NHS: variants seen among roughly 807,000 people sequenced by gnomAD.
The protein encoded by NHS is NHS actin remodeling regulator.
A neutral mutation model predicts 72.5 loss-of-function variants in NHS; 5 were observed. That is an observed-to-expected ratio of 0.07 (90% CI 0.04 to 0.14). The LOEUF (loss-of-function observed/expected upper bound fraction) is 0.14. Ranked by LOEUF, NHS falls within the 10% of genes least tolerant of loss-of-function variation. NHS has a pLI of 1.00. For missense variants in NHS, 1,072 were observed against 1,355.7 expected (o/e 0.79, Z 3.29); for synonymous variants, 464 against 547.7 (o/e 0.85, Z 2.13).
intron 1 of NHS, among the ~76,000 whole-genome samples, chrX:17,430,308 TTTCTTTCC>T (rs2064686520): frequency 1.2e-5 from 1 of 83,552 alleles, no homozygotes; most frequent in African/African-American, 4.7e-5. Context: ...TCTTTCTTTC[TTTCTTTCC>T]TTTCTTTCTT....
At chrX:17,414,004 A>T (rs1262795260) in intron 1 of NHS, among the ~76,000 whole-genome samples, 1 of 110,790 alleles carries the variant, frequency 9.0e-6, no homozygotes, top group Admixed American at 9.6e-5. Flanking sequence ...CCTGTTTTTT[A>T]TTTTTTTTCA....
At chrX:17,626,681 G>C (rs1053948464) in intron 1 of NHS, among the ~76,000 whole-genome samples, 2 of 111,747 alleles carry the variant, frequency 1.8e-5, no homozygotes, top group Admixed American at 9.5e-5. Flanking sequence ...TTCATTCAAT[G>C]GTATGCTATC....
intron 1 of NHS, among the ~76,000 whole-genome samples, chrX:17,424,570 A>G (rs2064640864): frequency 1.8e-5 from 2 of 112,141 alleles, no homozygotes; most frequent in South Asian, 7.5e-4. Context: ...TAATCTTGCA[A>G]TCTTCACAGG....
At chrX:17,481,303 A>T (rs758135807) in intron 1 of NHS, among the ~76,000 whole-genome samples, 8 of 111,952 alleles carry the variant, frequency 7.1e-5, no homozygotes, top group Non-Finnish European at 1.5e-4. Context: ...ACATTTGAGG[A>T]GGGAAAGATA....
At position 17,726,092 on chromosome X, in the gene NHS, C is replaced by A; in HGVS notation, c.1986C>A (p.His662Gln). The change falls in exon 7 of 9, where the codon CAC becomes CAA. Residue 662 changes from histidine to glutamine, a missense_variant. Coordinates refer to ENST00000676302, the MANE Select transcript of NHS (RefSeq NM_001291867.2). ...AASPPLTGSS[H>Q]CDSELSLNTA... ...CTCCTCCACTCACTGGCTCTTCACA[C>A]TGTGACTCGGAGTTGTCACTAAACA... is the stretch of plus-strand genomic sequence containing the variant. 8.3e-7 allele frequency: 1 copy of A among 1,212,110 alleles called. No individual in the cohort carries two copies. The highest frequency in any genetic ancestry group is 1.1e-6 in the Non-Finnish European group (1 of 895,605).
At chrX:17,419,124 C>T (rs1323585314) in intron 1 of NHS, among the ~76,000 whole-genome samples, 1 of 112,570 alleles carries the variant, frequency 8.9e-6, no homozygotes, top group East Asian at 2.8e-4. Context: ...AATCAGCAAG[C>T]TTTGCTATAG....
chrX:17,733,835 T>G lies in NHS; in HGVS notation c.*1371T>G, dbSNP rs1040208012. ...TCTGCTTGATGGCAAAAGGGGAGGG[T>G]GGAGGGTGGGAGAGGAAATGTCAGG... is the stretch of plus-strand genomic sequence containing the variant. On this transcript the variant is annotated 3_prime_UTR_variant, in exon 9 of 9. Transcript: ENST00000676302. The G allele has an allele frequency of 9.1e-6, 1 of 109,449 alleles. No homozygotes were observed. The highest frequency in any genetic ancestry group is 1.9e-5 in the Non-Finnish European group (1 of 52,521). 9.0% of individuals were successfully genotyped at this position (109,449 alleles called of 1,213,427 possible).
chrX:17,400,161 A>G (rs1459397248), intron 1 of NHS, among the ~76,000 whole-genome samples: 1 of 112,278 alleles, frequency 8.9e-6, no homozygotes, highest in Non-Finnish European at 1.9e-5. Flanking sequence ...GTATGTAGAA[A>G]ATTCTAAGGA....
chrX:17,724,387 G>A lies in NHS; in HGVS notation c.1197G>A (p.Arg399=). Residue 399 remains arginine (R), a synonymous_variant, in exon 6 of 9, where the codon AGG becomes AGA. Coordinates refer to ENST00000676302, the MANE Select transcript of NHS (RefSeq NM_001291867.2). ...VLQRRRKLRR[R]KTISGIPRRV... ...AGCGGAGACGAAAATTGAGGAGGAGGAAAACCATCTCGGGTATCCCCAGAA... is the reference window on the plus strand; with the variant it reads ...AGCGGAGACGAAAATTGAGGAGGAGAAAAACCATCTCGGGTATCCCCAGAA... The A allele has an allele frequency of 8.3e-7, 1 of 1,211,823 alleles. No homozygotes were observed.
intron 1 of NHS, among the ~76,000 whole-genome samples, chrX:17,478,298 A>G (rs1224409885): frequency 8.9e-6 from 1 of 111,891 alleles, no homozygotes; most frequent in Non-Finnish European, 1.9e-5. Context: ...GTTCACATCA[A>G]GTAGTGACCA....
chrX:17,687,849 G>A lies in NHS; in HGVS notation c.673G>A (p.Glu225Lys), dbSNP rs766403255. Reference sequence around the variant, plus strand: ...AGCCACAAGGCCACCCTGCGTGGAGGAGCTGCACCGCCACGCCCGGCAGAG... The same window carrying A: ...AGCCACAAGGCCACCCTGCGTGGAGAAGCTGCACCGCCACGCCCGGCAGAG... ...LPATRPPCVE[E>K]LHRHARQSLQ... The change falls in exon 2 of 9, where the codon GAG becomes AAG. Residue 225 changes from glutamate to lysine, a missense_variant. Physicochemically the swap from Glu to Lys is moderately conservative, Grantham distance 56 (BLOSUM62 1). Transcript: ENST00000676302. 21 of 1,210,467 alleles carry A rather than the reference G, an allele frequency of 1.7e-5. No individual in the cohort carries two copies. Among genetic ancestry groups the A allele is most frequent in the Non-Finnish European group, 1.7e-5 (15 of 895,374 alleles).
intron 8 of NHS, among the ~76,000 whole-genome samples, chrX:17,731,034 C>A (rs746676671): frequency 9.0e-6 from 1 of 110,774 alleles, no homozygotes; most frequent in South Asian, 3.8e-4. Flanking sequence ...GGATTATCAA[C>A]TGTCAAACTA....
chrX:17,635,486 G>C (rs956800442), intron 1 of NHS: 1 of 1,165,981 alleles, frequency 8.6e-7, no homozygotes, highest in African/African-American at 1.8e-5. Flanking sequence ...AAGCAGATCA[G>C]CTTTCAGCTC....
intron 8 of NHS, 128 bp downstream of exon 8, chrX:17,728,903 G>T: frequency 1.1e-6 from 1 of 890,226 alleles, no homozygotes; most frequent in Non-Finnish European, 1.6e-6. Flanking sequence ...AAAAACAAAA[G>T]CAAGCAAAGA....
chrX:17,650,551 C>T (rs12858453), intron 1 of NHS, among the ~76,000 whole-genome samples: 10 of 112,345 alleles, frequency 8.9e-5, no homozygotes, highest in East Asian at 5.6e-4. Context: ...TCCAGCCCCA[C>T]GAGTTCCTCT....
chrX:17,598,212 C>G (rs1377617261), intron 1 of NHS, among the ~76,000 whole-genome samples: 1 of 111,488 alleles, frequency 9.0e-6, no homozygotes, highest in African/African-American at 3.3e-5. Flanking sequence ...TGTGGCAGTT[C>G]CTGGCAGTCC....
chrX:17,462,716 A>G (rs1339715170), intron 1 of NHS, among the ~76,000 whole-genome samples: 1 of 111,876 alleles, frequency 8.9e-6, no homozygotes, highest in Non-Finnish European at 1.9e-5. Flanking sequence ...TTGCACAGTT[A>G]GTATATGGGC....
chrX:17,583,978 CTT>C (rs750233303), intron 1 of NHS, among the ~76,000 whole-genome samples: 1 of 111,900 alleles, frequency 8.9e-6, no homozygotes, highest in Non-Finnish European at 1.9e-5. Flanking sequence ...CTCTCTGTCT[CTT>C]TTTCCTGCTC....
intron 1 of NHS, among the ~76,000 whole-genome samples, chrX:17,418,521 A>G (rs2064607501): frequency 8.9e-6 from 1 of 111,970 alleles, no homozygotes; most frequent in Non-Finnish European, 1.9e-5. Context: ...CTTTCTCCTC[A>G]TTCTTGGCTG....
Sources: allele counts gnomAD v4.1 joint callset (sites outside exome capture counted in the v4.1 genomes callset), GRCh38; gene constraint gnomAD v4.1.1; transcripts MANE v1.5; gene names NCBI Gene and HGNC (gene_info 2026-07-23, HGNC 2026-07-21).